GRIPAP1: variants seen among roughly 807,000 people sequenced by gnomAD.
GRIPAP1 encodes GRIP1 associated protein 1, also known as GRIP1-associated protein 1.
Under a neutral mutation model 84.1 loss-of-function variants are expected in GRIPAP1, and 14 were observed. The observed-to-expected ratio is 0.17, with a 90% CI of 0.11 to 0.26. The LOEUF (loss-of-function observed/expected upper bound fraction) is 0.26. GRIPAP1 is among the 10% of genes least tolerant of loss of function. The probability of loss-of-function intolerance (pLI) is 1.00; values close to 1 mark genes in which losing one functional copy is unlikely to be tolerated. For missense variants in GRIPAP1, 518 were observed against 674.2 expected, an observed-to-expected ratio of 0.77 and a Z score of 2.57; for synonymous variants, 261 against 256.8, an observed-to-expected ratio of 1.02 and a Z score of -0.15.
chrX:48,996,219 C>T (rs912282050), intron 5 of GRIPAP1, among the ~76,000 whole-genome samples: 1 of 112,197 alleles, frequency 8.9e-6, no homozygotes, highest in Non-Finnish European at 1.9e-5. Flanking sequence ...ACTTGCTCAA[C>T]TGCCTCTCCT....
At position 49,002,244 on chromosome X, in the gene GRIPAP1, C is replaced by G. The variant is rs782775662; in HGVS notation, c.-15G>C. ...GCTTGCGCCATGTTCCTCCCCCCAC[C>G]CCCCCGCCAGCTTTCTGCGCAGACG... On this transcript the variant is annotated 5_prime_UTR_variant, in exon 1 of 26. Transcript: ENST00000376423. The G allele has an allele frequency of 1.8e-6, 2 of 1,100,505 alleles. No individual in the cohort carries two copies. The highest frequency in any genetic ancestry group is 1.9e-5 in the South Asian group (1 of 51,558). The allele number at this position is 1,100,505 out of a possible 1,213,427, so 90.7% of individuals were successfully genotyped here. A position where few individuals can be genotyped will look rare whatever the true frequency, so the allele number is the denominator to read the frequency against.
In GRIPAP1 at chrX:49,002,230, G is replaced by C. The variant is rs782269039; in HGVS notation, c.-1C>G. 8.7e-7 allele frequency: 1 copy of C among 1,144,456 alleles called. No individual in the cohort carries two copies. The highest frequency in any genetic ancestry group is 1.2e-6 in the Non-Finnish European group (1 of 843,216). The allele number at this position is 1,144,456 out of a possible 1,213,427, so 94.3% of individuals were successfully genotyped here. ...CCTCCTCAGACAGAGCTTGCGCCAT[G>C]TTCCTCCCCCCACCCCCCCGCCAGC... is the stretch of plus-strand genomic sequence containing the variant. On this transcript the variant is annotated 5_prime_UTR_variant, in exon 1 of 26. Transcript: ENST00000376423.
At chrX:48,988,866 A>G (rs1231548395) in intron 11 of GRIPAP1, among the ~76,000 whole-genome samples, 4 of 110,668 alleles carry the variant, frequency 3.6e-5, no homozygotes, top group African/African-American at 1.3e-4. Flanking sequence ...CCCAGTTTCT[A>G]GGGACTTCAG....
rs782664634 is a variant in GRIPAP1, at chrX:48,981,785, C to T, written c.1677+10G>A. The T allele has an allele frequency of 5.1e-6, 6 of 1,176,030 alleles. No individual in the cohort carries two copies. Among genetic ancestry groups the T allele is most frequent in the Non-Finnish European group, 6.9e-6 (6 of 870,424 alleles). On this transcript the variant is annotated intron_variant, in intron 18 of 25. Coordinates refer to ENST00000376423, the MANE Select transcript of GRIPAP1 (RefSeq NM_020137.5). ...GTCTGGAGAGAGGAACACCATCATG[C>T]GAGAGGCACCTTCAGCTCGGCAGCG...
At chrX:48,991,440 G>A (rs369476404) in intron 6 of GRIPAP1, 2 of 200,674 alleles carry the variant, frequency 1.0e-5, no homozygotes, top group East Asian at 1.1e-4. Flanking sequence ...CCATCATGCC[G>A]GGCTAATTTT....
At chrX:48,986,027 G>A in intron 13 of GRIPAP1, among the ~76,000 whole-genome samples, 1 of 110,346 alleles carries the variant, frequency 9.1e-6, no homozygotes, top group East Asian at 2.9e-4. Flanking sequence ...TGGATCATGA[G>A]GTCAGGAGTT....
At chrX:48,989,568 C>T in intron 11 of GRIPAP1, 43 bp downstream of exon 11, 1 of 884,930 alleles carries the variant, frequency 1.1e-6, no homozygotes, top group Non-Finnish European at 1.7e-6. Flanking sequence ...GGCTCCCAGT[C>T]CTGGCCCCTA....
At chrX:48,981,945 G>T in intron 17 of GRIPAP1, 73 bp from the exon 18 acceptor site, 1 of 710,611 alleles carries the variant, frequency 1.4e-6, no homozygotes, top group Non-Finnish European at 2.1e-6. Flanking sequence ...ATGAGGGACT[G>T]CAATGGGGGC....
rs782347430 is a variant in GRIPAP1 at position 48,981,325 on chromosome X, CA to C, written c.1831-12del. ...CTTGAGGTCCTTGAGCTGTGGGGGA[CA>C]GGGGTAACATGAGGACTGAGGCCCA... On this transcript the variant is annotated splice_polypyrimidine_tract_variant and intron_variant, in intron 20 of 25. Transcript: ENST00000376423. 8.3e-7 allele frequency: 1 copy of C among 1,205,338 alleles called. No homozygotes were observed. The highest frequency in any genetic ancestry group is 1.1e-6 in the Non-Finnish European group (1 of 890,688).
In GRIPAP1 at chrX:48,974,124, C is replaced by T. The variant is rs916008138; in HGVS notation, c.*69G>A. ...ATTTTGGCTCCAGCCCTCATTTTTC[C>T]ACCACAGCCCAAGGGAATAGCATCC... On this transcript the variant is annotated 3_prime_UTR_variant, in exon 26 of 26. Coordinates refer to ENST00000376423, the MANE Select transcript of GRIPAP1 (RefSeq NM_020137.5). The T allele has an allele frequency of 2.7e-5, 20 of 729,466 alleles. No individual in the cohort carries two copies. In the Admixed American group the frequency reaches 5.8e-4, roughly 21 times the overall value. The allele number at this position is 729,466 out of a possible 1,213,427, so 60.1% of individuals were successfully genotyped here.
At chrX:48,988,237 C>T (rs782713497) in intron 11 of GRIPAP1, 39 bp from the exon 12 acceptor site, 7 of 964,693 alleles carry the variant, frequency 7.3e-6, no homozygotes, top group African/African-American at 3.8e-5. Context: ...ACCTCAGCCT[C>T]TCCTGGGGTG....
chrX:48,999,257 T>C lies in GRIPAP1; in HGVS notation c.152A>G (p.Glu51Gly). The change falls in exon 3 of 26, where the codon GAG (glutamate) becomes GGG (glycine). Residue 51 changes from glutamate (E) to glycine (G), a missense_variant. Physicochemically the swap from Glu to Gly is moderately conservative, Grantham distance 98 (BLOSUM62 -2). Around this residue, in one of 5 missense-constraint regions of GRIPAP1, gnomAD observed 372 missense variants for 458.1 expected, o/e 0.81. Transcript: ENST00000376423. ...AGGTACCTTCTGAGCTTTGCTGAACTCCTTATCCAAGTAGGCGACCTTCTG... is the reference window on the plus strand; with the variant it reads ...AGGTACCTTCTGAGCTTTGCTGAACCCCTTATCCAAGTAGGCGACCTTCTG... ...LRQKVAYLDK[E>G]FSKAQKALSK... 2 of 1,208,057 alleles carry C rather than the reference T, an allele frequency of 1.7e-6. No individual in the cohort carries two copies. Among genetic ancestry groups the C allele is most frequent in the Non-Finnish European group, 2.2e-6 (2 of 892,232 alleles).
intron 24 of GRIPAP1, chrX:48,975,711 AAG>A (rs1187278746): frequency 8.0e-5 from 28 of 350,606 alleles, no homozygotes; most frequent in Non-Finnish European, 8.4e-5. Context: ...TGGGGTGAAA[AAG>A]AGAAACGGAG....
At chrX:48,996,346 C>T (rs1332511448) in intron 5 of GRIPAP1, among the ~76,000 whole-genome samples, 21 of 112,304 alleles carry the variant, frequency 1.9e-4, no homozygotes, top group African/African-American at 6.8e-4. Context: ...TGGCTCACGC[C>T]TTTAATCCCA....
rs782463610 is a variant in GRIPAP1 at position 48,990,680 on chromosome X, C to T, written c.690+5G>A. On this transcript the variant is annotated splice_donor_5th_base_variant and intron_variant, in intron 8 of 25. Transcript: ENST00000376423. ...GCAGAATGGGAAAGAGCCAAGCAGCCGCACCTTAGCAAGTTCCTCCTGCAG... is the reference window on the plus strand; with the variant it reads ...GCAGAATGGGAAAGAGCCAAGCAGCTGCACCTTAGCAAGTTCCTCCTGCAG... 3 of 1,192,918 alleles carry T rather than the reference C, an allele frequency of 2.5e-6. No homozygotes were observed. The highest frequency in any genetic ancestry group is 3.0e-5 in the East Asian group (1 of 33,336).
rs375575514 is a variant in GRIPAP1, at chrX:48,988,162, G to A, written c.907C>T (p.Arg303Cys). The change falls in exon 12 of 26, where the codon CGC becomes TGC. Residue 303 changes from arginine (R) to cysteine (C), a missense_variant. By Grantham distance (180) the Arg-to-Cys change is radical. Transcript: ENST00000376423. ...AELRDQRQGE[R>C]LEHAAALRAL... ...CGCAAAGCTGCTGCATGTTCCAGGC[G>A]CTCCCCCTGCCGCTGATCTCTCAGC... 1.6e-5 allele frequency: 19 copies of A among 1,195,674 alleles called. No individual in the cohort carries two copies. The highest frequency in any genetic ancestry group is 1.9e-5 in the Non-Finnish European group (17 of 888,505).
intron 9 of GRIPAP1, 34 bp downstream of exon 9, chrX:48,989,938 C>T (rs376015869): frequency 3.8e-5 from 45 of 1,199,356 alleles, no homozygotes; most frequent in Admixed American, 8.8e-5. Flanking sequence ...ATTCCCCCCT[C>T]GGCCCCCAGT....
At chrX:48,982,378 A>G (rs1291797764) in intron 17 of GRIPAP1, among the ~76,000 whole-genome samples, 1 of 112,275 alleles carries the variant, frequency 8.9e-6, no homozygotes, top group Non-Finnish European at 1.9e-5. Context: ...GAAAATGGCA[A>G]CAAAGGTTCT....
Position 48,987,879 on chromosome X carries a change from T to C in GRIPAP1, c.949-2A>G, listed in dbSNP as rs782040403. 8 of 1,181,700 alleles carry C rather than the reference T, an allele frequency of 6.8e-6. No individual in the cohort carries two copies. Among genetic ancestry groups the C allele is most frequent in the Non-Finnish European group, 9.2e-6 (8 of 871,823 alleles). ...TGCATCTGCACTCTGGATGGATACC[T>C]GGCCCCACGTCCACAGCAGGTGAGA... On this transcript the variant is annotated splice_acceptor_variant, in intron 12 of 25. Transcript: ENST00000376423. LOFTEE classifies it high-confidence loss of function.
Sources: gnomAD v4.1 joint callset for allele counts (sites outside exome capture counted in the v4.1 genomes callset) on GRCh38, gnomAD v4.1.1 for gene constraint, gnomAD v4.1.1 regional missense constraint, MANE v1.5 for transcripts, NCBI Gene and HGNC (gene_info 2026-07-23, HGNC 2026-07-21) for gene names.